Variants in THG1L observed in about 807,000 individuals in gnomAD.
THG1L encodes the protein probable tRNA(His) guanylyltransferase.
THG1L carries 27 observed loss-of-function variants against 35.2 expected under a neutral mutation model. The ratio of observed to expected loss-of-function variants is 0.77; its 90% confidence interval spans 0.57 to 1.06. The LOEUF (loss-of-function observed/expected upper bound fraction) is 1.06, where lower values mean the gene tolerates loss of function less well. Among genes scored for constraint, THG1L ranks in the 50% least tolerant of loss-of-function variants. The pLI is 0.00. For synonymous variants in THG1L, 135 were observed against 132.4 expected (o/e 1.02, Z -0.14); for missense variants, 377 against 371.8 (o/e 1.01, Z -0.12).
At chr5:157,739,076 CAT>C (rs1386204268) in intron 5 of THG1L, among the ~76,000 whole-genome samples, 1 of 151,942 alleles carries the variant, frequency 6.6e-6, no homozygotes, top group African/African-American at 2.4e-5. Flanking sequence ...GCTCGGATAA[CAT>C]AACCTTTTTA....
At chr5:157,731,657 G>A (rs1760722946) in intron 1 of THG1L, 26 bp downstream of exon 1, 2 of 1,575,200 alleles carry the variant, frequency 1.3e-6, no homozygotes, top group Non-Finnish European at 1.7e-6. Context: ...TCGGGGCGTC[G>A]CGATGCGCCA....
At chr5:157,734,785 AT>A (rs758485839) in intron 3 of THG1L, 40 bp downstream of exon 3, 54 of 1,611,348 alleles carry the variant, frequency 3.4e-5, no homozygotes, top group Non-Finnish European at 4.5e-5. Context: ...TAAACCACCA[AT>A]TCCATGTCTT....
chr5:157,731,955 A>G (rs1760735025), intron 1 of THG1L, among the ~76,000 whole-genome samples: 2 of 152,204 alleles, frequency 1.3e-5, no homozygotes, highest in African/African-American at 2.4e-5. Flanking sequence ...CTCTTAAGCC[A>G]ATTGCCTAGC....
rs11960745 is a variant in THG1L, at chr5:157,741,200, C to T, written c.*1718C>T. 0.35 allele frequency: 53,604 copies of T among 151,740 alleles called. 9,615 individuals are homozygous for T. The highest frequency in any genetic ancestry group is 0.54 in the East Asian group (2,799 of 5,142). 9.4% of individuals were successfully genotyped at this position (151,740 alleles called of 1,614,324 possible). A position where few individuals can be genotyped will look rare whatever the true frequency, so the allele number is the denominator to read the frequency against. ...CAGCCTGGGTGACAGAGCAAAACTGCCTTAAAAAAAAAAATTAAGAGACAG... is the reference window on the plus strand; with the variant it reads ...CAGCCTGGGTGACAGAGCAAAACTGTCTTAAAAAAAAAAATTAAGAGACAG... On this transcript the variant is annotated 3_prime_UTR_variant, in exon 6 of 6. Transcript: ENST00000231198.
intron 2 of THG1L, among the ~76,000 whole-genome samples, 196 bp from the exon 3 acceptor site, chr5:157,734,378 ACT>A (rs975122978): frequency 1.3e-5 from 2 of 151,964 alleles, no homozygotes; most frequent in Middle Eastern, 3.2e-3. Flanking sequence ...ACAGAGCAAG[ACT>A]CTGTCCTAAA....
intron 4 of THG1L, 116 bp downstream of exon 4, chr5:157,736,050 G>A: frequency 1.4e-6 from 1 of 691,114 alleles, no homozygotes; most frequent in Non-Finnish European, 2.5e-6. Context: ...GTACAGCTTT[G>A]TTTTGAAAGG....
rs1488635988 is a variant in THG1L at position 157,741,119 on chromosome 5, T to C, written c.*1637T>C. ...TACTCAGAAGGCTGAAGCAGGATAATTGCTTGAACCTGGTAGGTGGAGGTT... is the reference window on the plus strand; with the variant it reads ...TACTCAGAAGGCTGAAGCAGGATAACTGCTTGAACCTGGTAGGTGGAGGTT... On this transcript the variant is annotated 3_prime_UTR_variant, in exon 6 of 6. Coordinates refer to ENST00000231198, the MANE Select transcript of THG1L (RefSeq NM_017872.5). 2 of 152,046 alleles carry C rather than the reference T, an allele frequency of 1.3e-5. No homozygotes were observed. Among genetic ancestry groups the C allele is most frequent in the Non-Finnish European group, 1.5e-5 (1 of 68,056 alleles). The allele number at this position is 152,046 out of a possible 1,614,324, so 9.4% of individuals were successfully genotyped here. A position where few individuals can be genotyped will look rare whatever the true frequency, so the allele number is the denominator to read the frequency against.
chr5:157,731,529 T>C lies in THG1L; in HGVS notation c.89T>C (p.Met30Thr), dbSNP rs908864553. The change falls in exon 1 of 6, where the codon ATG (methionine) becomes ACG (threonine). Residue 30 changes from methionine to threonine, a missense_variant. Met to Thr is a moderately conservative substitution (Grantham distance 81). Transcript: ENST00000231198. ...CGGTACCTGAGATTGGGGGCGACCA[T>C]GGCAAAAAGCAAGTTCGAGTACGTG... ...LRRYLRLGATMAKSKFEYVRD... is the reference protein window; with the variant it reads ...LRRYLRLGATTAKSKFEYVRD... 2 of 1,613,014 alleles carry C rather than the reference T, an allele frequency of 1.2e-6. No individual in the cohort carries two copies. The highest frequency in any genetic ancestry group is 2.2e-5 in the East Asian group (1 of 44,818).
Position 157,731,560 on chromosome 5 carries a change from C to T in THG1L, c.120C>T (p.Asp40=). Residue 40 remains aspartate (D), a synonymous_variant, in exon 1 of 6, where the codon GAC becomes GAT. Coordinates refer to ENST00000231198, the MANE Select transcript of THG1L (RefSeq NM_017872.5). Reference sequence around the variant, plus strand: ...AAAGCAAGTTCGAGTACGTGAGGGACTTCGAGGCTGACGACACCTGCCTGG... The same window carrying T: ...AAAGCAAGTTCGAGTACGTGAGGGATTTCGAGGCTGACGACACCTGCCTGG... ...MAKSKFEYVR[D]FEADDTCLAH... 1 of 1,612,108 alleles carries T rather than the reference C, an allele frequency of 6.2e-7. No homozygotes were observed. Among genetic ancestry groups the T allele is most frequent in the Non-Finnish European group, 8.5e-7 (1 of 1,179,098 alleles).
Position 157,739,419 on chromosome 5 carries a change from C to T in THG1L, c.834C>T (p.His278=). The change falls in exon 6 of 6, where the codon CAC becomes CAT. Residue 278 remains histidine (H), a synonymous_variant. Transcript: ENST00000231198. ...TRTRTKPVPL[H]CDIIGDAFWK... ...CCAGGACAAAGCCAGTGCCCTTGCA[C>T]TGCGATATCATCGGGGATGCTTTCT... The T allele has an allele frequency of 6.2e-7, 1 of 1,613,798 alleles. No homozygotes were observed. The highest frequency in any genetic ancestry group is 8.5e-7 in the Non-Finnish European group (1 of 1,179,838).
chr5:157,741,357 C>T lies in THG1L; in HGVS notation c.*1875C>T, dbSNP rs1761038103. 1 of 152,174 alleles carries T rather than the reference C, an allele frequency of 6.6e-6. No homozygotes were observed. Among genetic ancestry groups the T allele is most frequent in the South Asian group, 2.1e-4 (1 of 4,834 alleles). The allele number at this position is 152,174 out of a possible 1,614,324, so 9.4% of individuals were successfully genotyped here. A position where few individuals can be genotyped will look rare whatever the true frequency, so the allele number is the denominator to read the frequency against. On this transcript the variant is annotated 3_prime_UTR_variant, in exon 6 of 6. Transcript: ENST00000231198. ...TCTGTCGATGCCATTTTTTCCCTTC[C>T]TGTTCTCACTCCACAGAAAGAGGAG...
chr5:157,738,109 C>G, intron 5 of THG1L, 115 bp downstream of exon 5: 1 of 747,140 alleles, frequency 1.3e-6, no homozygotes, highest in Middle Eastern at 2.3e-4. Flanking sequence ...GTTGCTAATG[C>G]AAACCTTTCC....
chr5:157,738,125 G>C (rs532819054), intron 5 of THG1L, 131 bp downstream of exon 5: 2 of 670,232 alleles, frequency 3.0e-6, no homozygotes, highest in Admixed American at 3.3e-5. Context: ...TTTCCAAGAG[G>C]AGAGGCCATA....
intron 1 of THG1L, among the ~76,000 whole-genome samples, chr5:157,732,092 CAG>C (rs753281867): frequency 4.0e-4 from 61 of 151,548 alleles, no homozygotes; most frequent in Non-Finnish European, 8.0e-4. Flanking sequence ...AACAGAGAGT[CAG>C]AAAAAAAGAG....
chr5:157,739,515 C>T lies in THG1L; in HGVS notation c.*33C>T, dbSNP rs1283815582. On this transcript the variant is annotated 3_prime_UTR_variant, in exon 6 of 6. Transcript: ENST00000231198. ...GCGCTTCAGTTCTGGTGTGCTTAAC[C>T]ATGCAAGCCCTCCCACCTCCCAGGG... is the stretch of plus-strand genomic sequence containing the variant. 1 of 1,587,202 alleles carries T rather than the reference C, an allele frequency of 6.3e-7. No homozygotes were observed. Among genetic ancestry groups the T allele is most frequent in the East Asian group, 2.3e-5 (1 of 44,242 alleles).
chr5:157,739,546 T>C lies in THG1L; in HGVS notation c.*64T>C. 2 of 1,534,560 alleles carry C rather than the reference T, an allele frequency of 1.3e-6. No homozygotes were observed. Among genetic ancestry groups the C allele is most frequent in the South Asian group, 2.6e-5 (2 of 78,340 alleles). On this transcript the variant is annotated 3_prime_UTR_variant, in exon 6 of 6. Transcript: ENST00000231198. Reference sequence around the variant, plus strand: ...AGCCCTCCCACCTCCCAGGGCTCCTTGCCTTAGGTGGCTGTAGCATCCCTA... The same window carrying C: ...AGCCCTCCCACCTCCCAGGGCTCCTCGCCTTAGGTGGCTGTAGCATCCCTA...
rs114445710 is a variant in THG1L, at chr5:157,731,874, C to G, written c.191+243C>G. Among the ~76,000 whole-genome samples, 15 of 152,278 alleles carry G rather than the reference C, an allele frequency of 9.9e-5. 1 individual carries two copies. In the East Asian group the frequency reaches 2.9e-3, roughly 29 times the overall value. The stretch of plus-strand genomic sequence containing the variant: ...TGATGAGGATCTGGCTTGGAGTGCC[C>G]GTGTTAAGTGAACAGAGACTTGTTA... On this transcript the variant is annotated intron_variant, in intron 1 of 5. Transcript: ENST00000231198.
chr5:157,739,560 G>T lies in THG1L; in HGVS notation c.*78G>T, dbSNP rs1346475464. On this transcript the variant is annotated 3_prime_UTR_variant, in exon 6 of 6. Transcript: ENST00000231198. Reference sequence around the variant, plus strand: ...CCAGGGCTCCTTGCCTTAGGTGGCTGTAGCATCCCTACCACCCAGGACACT... The same window carrying T: ...CCAGGGCTCCTTGCCTTAGGTGGCTTTAGCATCCCTACCACCCAGGACACT... 4.6e-6 allele frequency: 7 copies of T among 1,508,618 alleles called. No homozygotes were observed. The highest frequency in any genetic ancestry group is 6.2e-6 in the Non-Finnish European group (7 of 1,122,524). The allele number at this position is 1,508,618 out of a possible 1,614,324, so 93.5% of individuals were successfully genotyped here.
chr5:157,734,203 C>A (rs1581439099), intron 2 of THG1L, among the ~76,000 whole-genome samples: 2 of 152,094 alleles, frequency 1.3e-5, no homozygotes, highest in South Asian at 4.2e-4. Flanking sequence ...GCCTGGCCAA[C>A]ATGGTGAAAC....
Sources: allele counts gnomAD v4.1 joint callset (sites outside exome capture counted in the v4.1 genomes callset), GRCh38; gene constraint gnomAD v4.1.1; transcripts MANE v1.5; gene names NCBI Gene and HGNC (gene_info 2026-07-23, HGNC 2026-07-21).